Variants in PELI2 observed in about 807,000 individuals in gnomAD.
PELI2 encodes the protein pellino E3 ubiquitin protein ligase family member 2.
A neutral mutation model predicts 42.3 loss-of-function variants in PELI2; 23 were observed. That is an observed-to-expected ratio of 0.54 (90% CI 0.39 to 0.77). PELI2 has a LOEUF of 0.77. Ranked by LOEUF, PELI2 falls within the 30% of genes least tolerant of loss-of-function variation. The pLI is 0.00. For synonymous variants in PELI2, 245 were observed against 212.2 expected, an observed-to-expected ratio of 1.15 and a Z score of -1.34; for missense variants, 463 against 553.2, an observed-to-expected ratio of 0.84 and a Z score of 1.64.
At chr14:56,181,574 T>G (rs1885580624) in intron 2 of PELI2, among the ~76,000 whole-genome samples, 1 of 152,274 alleles carries the variant, frequency 6.6e-6, no homozygotes, top group Non-Finnish European at 1.5e-5. Flanking sequence ...GCTCTTTGCC[T>G]TTTGGCTGTC....
chr14:56,174,309 G>A lies in PELI2; in HGVS notation c.78-4026G>A, dbSNP rs547308511. 2.6e-5 allele frequency among the ~76,000 whole-genome samples: 4 copies of A among 152,310 alleles called. No homozygotes were observed. The South Asian group carries it at 6.2e-4, about 24-fold the overall frequency. The stretch of plus-strand genomic sequence containing the variant: ...CTTGCCTCTAATCTGGTCTGGTCTT[G>A]CCTCTAATTTCTTCCAGTTCCTCCT... On this transcript the variant is annotated intron_variant, in intron 1 of 5. Transcript: ENST00000267460.
At chr14:56,265,094 A>G (rs779228219) in intron 2 of PELI2, among the ~76,000 whole-genome samples, 142 of 152,314 alleles carry the variant, frequency 9.3e-4, no homozygotes, top group Admixed American at 1.8e-3. Context: ...TACAATACCA[A>G]TCAAAATCCC....
chr14:56,173,823 T>C (rs977651923), intron 1 of PELI2, among the ~76,000 whole-genome samples: 4 of 152,250 alleles, frequency 2.6e-5, no homozygotes, highest in Non-Finnish European at 4.4e-5. Flanking sequence ...TAATCGAGGA[T>C]GATCTCATCT....
At chr14:56,136,938 C>T (rs1883707524) in intron 1 of PELI2, among the ~76,000 whole-genome samples, 1 of 152,164 alleles carries the variant, frequency 6.6e-6, no homozygotes, top group Admixed American at 6.5e-5. Flanking sequence ...GTGTGTTTCT[C>T]AGCTTCTTGA....
chr14:56,290,398 T>C lies in PELI2; in HGVS notation c.638T>C (p.Val213Ala). 2 of 1,613,750 alleles carry C rather than the reference T, an allele frequency of 1.2e-6. No homozygotes were observed. Among genetic ancestry groups the C allele is most frequent in the Non-Finnish European group, 1.7e-6 (2 of 1,179,754 alleles). ...CCCGGGGTCTGGCGCGAGATCTCTGTCTGTGGAGATGTGTACACCTTGCGA... is the reference window on the plus strand; with the variant it reads ...CCCGGGGTCTGGCGCGAGATCTCTGCCTGTGGAGATGTGTACACCTTGCGA... ...SQPGVWREIS[V>A]CGDVYTLRET... The change falls in exon 5 of 6, where the codon GTC (valine) becomes GCC (alanine). Residue 213 changes from valine (V) to alanine (A), a missense_variant. By Grantham distance (64) the Val-to-Ala change is moderately conservative. This residue lies in a region of PELI2 where 343 missense variants were observed against 378.4 expected (regional missense o/e 0.91). Transcript: ENST00000267460.
intron 2 of PELI2, among the ~76,000 whole-genome samples, chr14:56,210,114 A>G (rs1235220712): frequency 3.9e-5 from 6 of 152,124 alleles, no homozygotes. Context: ...ATGTAGGGTA[A>G]ATTTTGCCTG....
chr14:56,282,092 C>T (rs891281135), intron 3 of PELI2, among the ~76,000 whole-genome samples: 4 of 152,062 alleles, frequency 2.6e-5, no homozygotes, highest in Non-Finnish European at 4.4e-5. Context: ...ACATGCGCAA[C>T]GCCATTTGTA....
chr14:56,136,589 T>C (rs1405194357), intron 1 of PELI2, among the ~76,000 whole-genome samples: 1 of 152,198 alleles, frequency 6.6e-6, no homozygotes, highest in African/African-American at 2.4e-5. Flanking sequence ...AATAATTGGC[T>C]ACCTCAGCCC....
At chr14:56,257,886 C>A (rs974452651) in intron 2 of PELI2, among the ~76,000 whole-genome samples, 1 of 152,120 alleles carries the variant, frequency 6.6e-6, no homozygotes, top group Non-Finnish European at 1.5e-5. Context: ...AGGAAACTGC[C>A]AGAGATGAGG....
intron 2 of PELI2, among the ~76,000 whole-genome samples, chr14:56,194,702 ACTGGATAAGGCAGCC>A (rs540699243): frequency 4.6e-5 from 7 of 152,276 alleles, no homozygotes; most frequent in East Asian, 1.9e-4. Flanking sequence ...CTCCATGGTA[ACTGGATAAGGCAGCC>A]CTGGATAAGG....
At chr14:56,170,977 C>G (rs952820562) in intron 1 of PELI2, among the ~76,000 whole-genome samples, 1 of 152,190 alleles carries the variant, frequency 6.6e-6, no homozygotes, top group Non-Finnish European at 1.5e-5. Context: ...GGTGTGGCAG[C>G]AGCACTCGGA....
intron 4 of PELI2, 59 bp from the exon 5 acceptor site, chr14:56,290,209 T>A (rs568005347): frequency 2.2e-6 from 3 of 1,334,240 alleles, no homozygotes; most frequent in Admixed American, 2.3e-5. Context: ...AATTCCAGAA[T>A]CCTTTCCATT....
intron 1 of PELI2, among the ~76,000 whole-genome samples, chr14:56,127,300 A>G (rs1312455923): frequency 6.6e-6 from 1 of 152,208 alleles, no homozygotes; most frequent in African/African-American, 2.4e-5. Context: ...CCTGACATGA[A>G]ATAACAGAAC....
Position 56,219,789 on chromosome 14 carries a change from T to G in PELI2, c.207+41325T>G, listed in dbSNP as rs1887055365. On this transcript the variant is annotated intron_variant, in intron 2 of 5. Transcript: ENST00000267460. The surrounding 1 kb of genome is among the most constrained non-coding windows in gnomAD (Gnocchi z 4.1). ...CTTGACTCTATTCAGTTAGAGTCAT[T>G]TATTTATTTTTACATGTTTGTAACT... Among the ~76,000 whole-genome samples, 1 of 152,162 alleles carries G rather than the reference T, an allele frequency of 6.6e-6. No individual in the cohort carries two copies.
intron 1 of PELI2, among the ~76,000 whole-genome samples, chr14:56,157,331 A>G (rs1884604290): frequency 6.6e-6 from 1 of 152,144 alleles, no homozygotes; most frequent in Non-Finnish European, 1.5e-5. Flanking sequence ...GAATTTGTAT[A>G]CATTTTATTT....
intron 1 of PELI2, among the ~76,000 whole-genome samples, chr14:56,153,829 T>G (rs185059554): frequency 1.3e-4 from 20 of 152,216 alleles, no homozygotes; most frequent in Middle Eastern, 3.4e-3. Context: ...TGTGGATTAG[T>G]GGTGTTTGTG....
intron 1 of PELI2, among the ~76,000 whole-genome samples, chr14:56,144,498 A>C (rs185913845): frequency 6.6e-6 from 1 of 152,214 alleles, no homozygotes; most frequent in East Asian, 1.9e-4. Context: ...CTTTATGTAA[A>C]TATAACTGAT....
Position 56,232,616 on chromosome 14 carries a change from A to G in PELI2, c.208-47060A>G, listed in dbSNP as rs554623439. Among the ~76,000 whole-genome samples the G allele has an allele frequency of 1.2e-4, 18 of 152,230 alleles. No homozygotes were observed. In the South Asian group the frequency reaches 3.7e-3, roughly 32 times the overall value. On this transcript the variant is annotated intron_variant, in intron 2 of 5. Transcript: ENST00000267460. ...TATCAACGGGACATATCTCAAAATA[A>G]TAAGAGCTATTTATGACAAACCCCC...
intron 1 of PELI2, among the ~76,000 whole-genome samples, chr14:56,155,550 A>G (rs1427079407): frequency 1.3e-5 from 2 of 149,256 alleles, no homozygotes; most frequent in Non-Finnish European, 1.5e-5. Context: ...CTTCTGTTCT[A>G]CTGGCTTTTG....
Sources: gnomAD v4.1 joint callset for allele counts (sites outside exome capture counted in the v4.1 genomes callset) on GRCh38, gnomAD v4.1.1 for gene constraint, gnomAD v4.1.1 regional missense constraint, Gnocchi (gnomAD v3.1) non-coding constraint, MANE v1.5 for transcripts, NCBI Gene and HGNC (gene_info 2026-07-23, HGNC 2026-07-21) for gene names.